C3orf70: variants seen among roughly 807,000 people sequenced by gnomAD.
The protein encoded by C3orf70 is chromosome 3 open reading frame 70, also known as UPF0524 protein C3orf70.
A neutral mutation model predicts 20.7 loss-of-function variants in C3orf70; 15 were observed. The ratio of observed to expected loss-of-function variants is 0.72; its 90% CI spans 0.48 to 1.11. The LOEUF is 1.11. Among genes scored for constraint, C3orf70 ranks in the 50% most tolerant of loss-of-function variants. The pLI is 0.00. For synonymous variants in C3orf70, 161 were observed against 125.7 expected (o/e 1.28, Z -1.88); for missense variants, 332 against 317.6 (o/e 1.05, Z -0.34).
At chr3:185,101,505 C>A (rs902263840) in intron 1 of C3orf70, among the ~76,000 whole-genome samples, 1 of 152,194 alleles carries the variant, frequency 6.6e-6, no homozygotes, top group Non-Finnish European at 1.5e-5. Flanking sequence ...GGGTAATTTA[C>A]AGAGAAAAGA....
chr3:185,127,929 T>C (rs538215203), intron 1 of C3orf70, among the ~76,000 whole-genome samples: 111 of 152,318 alleles, frequency 7.3e-4, no homozygotes, highest in African/African-American at 2.6e-3. Flanking sequence ...ACAGCTTCAA[T>C]TTTTTCATTA....
chr3:185,118,946 C>A (rs1449649699), intron 1 of C3orf70, among the ~76,000 whole-genome samples: 1 of 152,154 alleles, frequency 6.6e-6, no homozygotes, highest in Non-Finnish European at 1.5e-5. Context: ...CCTTTACAGA[C>A]GATGGTAATG....
rs1414901583 is a variant in C3orf70, at chr3:185,082,553, G to A, written c.*454C>T. Reference sequence around the variant, plus strand: ...GGCATCTACCAGTGCACACTCAGTAGGGAGTGCTACTTGCGTAGGACAAGC... The same window carrying A: ...GGCATCTACCAGTGCACACTCAGTAAGGAGTGCTACTTGCGTAGGACAAGC... On this transcript the variant is annotated 3_prime_UTR_variant, in exon 2 of 2. Coordinates refer to ENST00000335012, the MANE Select transcript of C3orf70 (RefSeq NM_001025266.3). 1 of 167,842 alleles carries A rather than the reference G, an allele frequency of 6.0e-6. No individual in the cohort carries two copies. Among genetic ancestry groups the A allele is most frequent in the African/African-American group, 2.4e-5 (1 of 41,612 alleles). The allele number at this position is 167,842 out of a possible 1,614,324, so 10.4% of individuals were successfully genotyped here. A position where few individuals can be genotyped will look rare whatever the true frequency, so the allele number is the denominator to read the frequency against.
chr3:185,124,078 C>T (rs1293126128), intron 1 of C3orf70, among the ~76,000 whole-genome samples: 1 of 152,126 alleles, frequency 6.6e-6, no homozygotes, highest in Non-Finnish European at 1.5e-5. Flanking sequence ...AATATAACAA[C>T]TGTTTCCATA....
intron 1 of C3orf70, among the ~76,000 whole-genome samples, chr3:185,094,862 G>C (rs1715669059): frequency 1.3e-5 from 2 of 152,152 alleles, no homozygotes; most frequent in Admixed American, 6.5e-5. Context: ...AGGTCACTGG[G>C]GGTGAGATGA....
At chr3:185,121,953 G>C (rs1368169857) in intron 1 of C3orf70, among the ~76,000 whole-genome samples, 4 of 152,090 alleles carry the variant, frequency 2.6e-5, no homozygotes, top group African/African-American at 9.7e-5. Context: ...CAAAAAATTA[G>C]CCAGGCATGG....
At chr3:185,146,334 CT>C (rs1475698762) in intron 1 of C3orf70, among the ~76,000 whole-genome samples, 1 of 122,756 alleles carries the variant, frequency 8.1e-6, no homozygotes, top group Non-Finnish European at 1.6e-5. Context: ...GTTGCCCAGG[CT>C]GGAGTGCAAT....
chr3:185,091,949 ATATATATATATATATTTTTTT>A (rs1561330978), intron 1 of C3orf70, among the ~76,000 whole-genome samples: 112 of 8,138 alleles, frequency 0.014, 10 homozygotes, highest in Middle Eastern at 0.083. Context: ...ATATATATAT[ATATATATATATATATTTTTTT>A]TTTTTTTTAG....
chr3:185,152,192 G>T (rs9837595), intron 1 of C3orf70, among the ~76,000 whole-genome samples: 2,516 of 152,228 alleles, frequency 0.017, 62 homozygotes, highest in African/African-American at 0.056. Flanking sequence ...GAAGACAAAA[G>T]TGAGAAAGAA....
chr3:185,088,347 A>G (rs892130366), intron 1 of C3orf70, among the ~76,000 whole-genome samples: 1 of 152,218 alleles, frequency 6.6e-6, no homozygotes, highest in Non-Finnish European at 1.5e-5. Context: ...GTGTGGCTAC[A>G]TAAGAGTAAG....
chr3:185,083,221 T>C lies in C3orf70; in HGVS notation c.539A>G (p.His180Arg). The C allele has an allele frequency of 6.2e-7, 1 of 1,614,186 alleles. No homozygotes were observed. The highest frequency in any genetic ancestry group is 8.5e-7 in the Non-Finnish European group (1 of 1,180,028). The stretch of plus-strand genomic sequence containing the variant: ...CTCAGAACTTGAGGGAGAAGAGCAG[T>C]GATCTATTTTTGGTGTATTGCTCTC... ...SKESNTPKID[H>R]CSSPSSSEDS... is the part of the protein sequence containing the mutation. Residue 180 changes from histidine (H) to arginine (R), a missense_variant, in exon 2 of 2, where the codon CAC becomes CGC. Physicochemically the swap from His to Arg is conservative, Grantham distance 29. Transcript: ENST00000335012.
chr3:185,144,077 G>A (rs988127921), intron 1 of C3orf70, among the ~76,000 whole-genome samples: 1 of 151,910 alleles, frequency 6.6e-6, no homozygotes, highest in Non-Finnish European at 1.5e-5. Flanking sequence ...AAATCCAAGT[G>A]TAATATTCAA....
At position 185,082,752 on chromosome 3, in the gene C3orf70, G is replaced by A. The variant is rs1715371166; in HGVS notation, c.*255C>T. On this transcript the variant is annotated 3_prime_UTR_variant, in exon 2 of 2. Transcript: ENST00000335012. Reference sequence around the variant, plus strand: ...TCAAATCTCCCAGTGAAATTAAGGCGGGGTCACAATTCATGACACCAGATG... The same window carrying A: ...TCAAATCTCCCAGTGAAATTAAGGCAGGGTCACAATTCATGACACCAGATG... 1.5e-5 allele frequency: 6 copies of A among 412,292 alleles called. No individual in the cohort carries two copies. The South Asian group carries it at 1.9e-4, about 13-fold the overall frequency. The allele number at this position is 412,292 out of a possible 1,614,324, so 25.5% of individuals were successfully genotyped here. A position where few individuals can be genotyped will look rare whatever the true frequency, so the allele number is the denominator to read the frequency against.
chr3:185,151,599 A>G (rs553252987), intron 1 of C3orf70, among the ~76,000 whole-genome samples: 251 of 152,326 alleles, frequency 1.6e-3, no homozygotes, highest in Admixed American at 2.9e-3. Context: ...TCGATTTAAA[A>G]TATTCATTTA....
At chr3:185,129,224 C>G (rs551534944) in intron 1 of C3orf70, among the ~76,000 whole-genome samples, 46 of 152,152 alleles carry the variant, frequency 3.0e-4, no homozygotes, top group Non-Finnish European at 3.8e-4. Flanking sequence ...TCCTGGCCCC[C>G]CTCCGTCTGC....
At chr3:185,128,934 A>G (rs1716472519) in intron 1 of C3orf70, among the ~76,000 whole-genome samples, 1 of 152,230 alleles carries the variant, frequency 6.6e-6, no homozygotes, top group Non-Finnish European at 1.5e-5. Flanking sequence ...AGTGATTAAT[A>G]TCTGAGTTTA....
chr3:185,143,981 A>AAC (rs34762767), intron 1 of C3orf70, among the ~76,000 whole-genome samples: 19,309 of 148,804 alleles, frequency 0.13, 1,305 homozygotes, highest in East Asian at 0.22. Flanking sequence ...TTCTATGGTA[A>AAC]ACACACACAC....
intron 1 of C3orf70, among the ~76,000 whole-genome samples, chr3:185,085,152 T>C (rs150920103): frequency 2.8e-4 from 42 of 152,358 alleles, no homozygotes; most frequent in African/African-American, 9.4e-4. Flanking sequence ...TTCATGAGCA[T>C]CTTTTTGCAG....
chr3:185,149,405 A>AC (rs1029871101), intron 1 of C3orf70, among the ~76,000 whole-genome samples: 2 of 151,862 alleles, frequency 1.3e-5, no homozygotes, highest in African/African-American at 4.8e-5. Context: ...AAAAAAAAAA[A>AC]AAAAAAACAG....
Sources: allele counts gnomAD v4.1 joint callset (sites outside exome capture counted in the v4.1 genomes callset), GRCh38; gene constraint gnomAD v4.1.1; transcripts MANE v1.5; gene names NCBI Gene and HGNC (gene_info 2026-07-23, HGNC 2026-07-21).